OSBP2: variants seen among roughly 807,000 people sequenced by gnomAD.
OSBP2 encodes oxysterol binding protein 2.
A neutral mutation model predicts 96.0 loss-of-function variants in OSBP2; 66 were observed. That is an observed-to-expected ratio of 0.69 (90% confidence interval 0.56 to 0.84). The LOEUF (loss-of-function observed/expected upper bound fraction) is 0.84. OSBP2 is among the 40% of genes least tolerant of loss of function. OSBP2 has a pLI of 0.00. For missense variants in OSBP2, 1,038 were observed against 1,222.7 expected, an observed-to-expected ratio of 0.85 and a Z score of 2.25; for synonymous variants, 525 against 520.9, an observed-to-expected ratio of 1.01 and a Z score of -0.11.
At chr22:30,738,656 G>A (rs888680665) in intron 1 of OSBP2, among the ~76,000 whole-genome samples, 3 of 151,936 alleles carry the variant, frequency 2.0e-5, no homozygotes, top group African/African-American at 7.3e-5. Flanking sequence ...CGCCTCCCAG[G>A]TTCAAGTGAT....
At chr22:30,701,641 C>G (rs992541904) in intron 1 of OSBP2, among the ~76,000 whole-genome samples, 3 of 152,154 alleles carry the variant, frequency 2.0e-5, no homozygotes, top group Non-Finnish European at 4.4e-5. Flanking sequence ...CCACGCCCAG[C>G]CTTCAATGTC....
chr22:30,889,336 A>G (rs2039890951), intron 6 of OSBP2, 102 bp downstream of exon 6: 2 of 1,414,582 alleles, frequency 1.4e-6, no homozygotes, highest in African/African-American at 1.4e-5. Flanking sequence ...AGGCAGGCCC[A>G]TGCCCCAGTC....
chr22:30,847,487 G>A (rs759056996), intron 2 of OSBP2, among the ~76,000 whole-genome samples: 4 of 151,974 alleles, frequency 2.6e-5, no homozygotes, highest in African/African-American at 7.3e-5. Context: ...TCACCATGTC[G>A]GCCAGGCTGG....
At chr22:30,757,111 C>T (rs1026776287) in intron 2 of OSBP2, among the ~76,000 whole-genome samples, 88 of 152,228 alleles carry the variant, frequency 5.8e-4, no homozygotes, top group African/African-American at 2.0e-3. Context: ...AGTACCTGTC[C>T]CCTTTGTGTG....
upstream of OSBP2, among the ~76,000 whole-genome samples, chr22:30,694,518 C>G (rs891871468): frequency 1.3e-5 from 2 of 152,164 alleles, no homozygotes; most frequent in Non-Finnish European, 2.9e-5. Flanking sequence ...CGCAGGGTCC[C>G]GTGGGCAGAG....
intron 2 of OSBP2, among the ~76,000 whole-genome samples, chr22:30,814,268 G>A (rs1016707494): frequency 8.6e-5 from 13 of 151,834 alleles, no homozygotes; most frequent in Non-Finnish European, 1.3e-4. Context: ...TCCAGGTGTC[G>A]GGAGGTTTGG....
intron 2 of OSBP2, among the ~76,000 whole-genome samples, chr22:30,788,955 C>T (rs773614199): frequency 2.0e-5 from 3 of 152,144 alleles, no homozygotes; most frequent in Non-Finnish European, 2.9e-5. Context: ...TCAGGTGATC[C>T]GCCCATCTCA....
chr22:30,819,196 G>A (rs552967884), intron 2 of OSBP2, among the ~76,000 whole-genome samples: 3 of 152,312 alleles, frequency 2.0e-5, no homozygotes, highest in African/African-American at 4.8e-5. Flanking sequence ...TTAGCTGGGC[G>A]TGGTGGTGCA....
At chr22:30,735,977 G>A (rs2089848259) in intron 1 of OSBP2, among the ~76,000 whole-genome samples, 1 of 151,812 alleles carries the variant, frequency 6.6e-6, no homozygotes, top group Non-Finnish European at 1.5e-5. Context: ...GTGGTGGCAC[G>A]ATCTCAGCTC....
At chr22:30,836,352 C>T (rs1317901667) in intron 2 of OSBP2, among the ~76,000 whole-genome samples, 1 of 152,138 alleles carries the variant, frequency 6.6e-6, no homozygotes, top group South Asian at 2.1e-4. Context: ...ACTGGCAGAG[C>T]CAGGCTTGTT....
chr22:30,764,052 T>C (rs773232282), intron 2 of OSBP2, among the ~76,000 whole-genome samples: 2 of 152,240 alleles, frequency 1.3e-5, no homozygotes, highest in East Asian at 1.9e-4. Context: ...CATTTTCTGA[T>C]GTTCAGGTTT....
chr22:30,877,731 C>A (rs1048320684), intron 3 of OSBP2, among the ~76,000 whole-genome samples: 1 of 152,212 alleles, frequency 6.6e-6, no homozygotes, highest in African/African-American at 2.4e-5. Flanking sequence ...TGCTGCTGTC[C>A]CTCCAGTCCC....
chr22:30,858,133 TTGTTTGTTTGTTTGTTTG>T (rs1248056930), intron 2 of OSBP2, among the ~76,000 whole-genome samples: 1 of 89,044 alleles, frequency 1.1e-5, no homozygotes, highest in African/African-American at 6.5e-5. Flanking sequence ...TTTTTTTTGT[TTGTTTGTTTGTTTGTTTG>T]TTTTTTGAGA....
chr22:30,888,253 G>A lies in OSBP2; in HGVS notation c.1331G>A (p.Ser444Asn). 6.2e-7 allele frequency: 1 copy of A among 1,612,958 alleles called. No individual in the cohort carries two copies. Among genetic ancestry groups the A allele is most frequent in the Non-Finnish European group, 8.5e-7 (1 of 1,178,936 alleles). The change falls in exon 5 of 14, where the codon AGT (serine) becomes AAT (asparagine). Residue 444 changes from serine to asparagine, a missense_variant. Coordinates refer to ENST00000332585, the MANE Select transcript of OSBP2 (RefSeq NM_030758.4). Reference protein sequence around the residue: ...GSLLTPKGEDSEEDEDTEYFD... With the variant: ...GSLLTPKGEDNEEDEDTEYFD... ...CTCTTGACTCCCAAAGGAGAGGACA[G>A]TGAGGAAGATGAAGATACCGAGTAC...
chr22:30,694,230 T>C (rs751936736), upstream of OSBP2: 22 of 1,549,812 alleles, frequency 1.4e-5, no homozygotes, highest in South Asian at 5.9e-5. Flanking sequence ...ATGTCGTCAC[T>C]GGCAGCGAAG....
chr22:30,802,781 G>A (rs531403145), intron 2 of OSBP2, among the ~76,000 whole-genome samples: 1 of 152,338 alleles, frequency 6.6e-6, no homozygotes, highest in African/African-American at 2.4e-5. Context: ...AGGGGGCGGA[G>A]GGAGCCTCCT....
intron 2 of OSBP2, among the ~76,000 whole-genome samples, chr22:30,846,089 A>G (rs1202229482): frequency 6.6e-6 from 1 of 152,064 alleles, no homozygotes; most frequent in Non-Finnish European, 1.5e-5. Context: ...GCTGGGTTAT[A>G]TAATGACTGC....
chr22:30,763,648 A>C lies in OSBP2; in HGVS notation c.853+22279A>C, dbSNP rs1377662985. On this transcript the variant is annotated intron_variant, in intron 2 of 13. Coordinates refer to ENST00000332585, the MANE Select transcript of OSBP2 (RefSeq NM_030758.4). ...GCAACAGAGTGACAGAAAAAAAAAA[A>C]AAAACCCACAGGTCACCCAGTTTAA... 2.0e-5 allele frequency among the ~76,000 whole-genome samples: 3 copies of C among 152,068 alleles called. No homozygotes were observed. In the East Asian group the frequency reaches 5.8e-4, roughly 29 times the overall value.
chr22:30,830,226 G>A (rs2038492641), intron 2 of OSBP2, among the ~76,000 whole-genome samples: 1 of 152,194 alleles, frequency 6.6e-6, no homozygotes, highest in South Asian at 2.1e-4. Flanking sequence ...TATGGGCTTT[G>A]GGCTGCCAAA....
Sources: allele counts gnomAD v4.1 joint callset (sites outside exome capture counted in the v4.1 genomes callset), GRCh38; gene constraint gnomAD v4.1.1; transcripts MANE v1.5; gene names NCBI Gene and HGNC (gene_info 2026-07-23, HGNC 2026-07-21).